Variants in LRCH1 observed in about 807,000 individuals in gnomAD.
LRCH1 encodes the protein leucine-rich repeat and calponin homology domain-containing protein 1.
In LRCH1, 23 loss-of-function variants were observed where a neutral mutation model predicts 94.9. The observed-to-expected ratio is 0.24, with a 90% CI of 0.17 to 0.34. LRCH1 has a LOEUF of 0.34. LRCH1 is among the 10% of genes least tolerant of loss of function. LRCH1 has a pLI of 1.00. For missense variants in LRCH1, 790 were observed against 945.9 expected (o/e 0.84, Z 2.16); for synonymous variants, 364 against 354.9 (o/e 1.03, Z -0.29).
chr13:46,628,885 G>T (rs551151091), intron 1 of LRCH1, among the ~76,000 whole-genome samples: 9 of 152,126 alleles, frequency 5.9e-5, no homozygotes, highest in Non-Finnish European at 1.0e-4. Flanking sequence ...AGTCAAATTC[G>T]CAGTATAGAA....
chr13:46,733,043 C>G (rs1318947222), intron 18 of LRCH1, among the ~76,000 whole-genome samples: 2 of 152,198 alleles, frequency 1.3e-5, no homozygotes, highest in Admixed American at 1.3e-4. Flanking sequence ...CTTTGTGCCT[C>G]TATAAGACGG....
rs77409022 is a variant in LRCH1, at chr13:46,604,368, A to G, written c.308-45833A>G. ...GTGACCGAGGTGGCTGCAGCACAGT[A>G]GCCTTGCTCCCTGGGTCTGGGGCCT... On this transcript the variant is annotated intron_variant, in intron 1 of 19. Coordinates refer to ENST00000389797, the MANE Select transcript of LRCH1 (RefSeq NM_001164211.2). 5.3e-3 allele frequency among the ~76,000 whole-genome samples: 809 copies of G among 152,308 alleles called. 6 individuals carry two copies. Among genetic ancestry groups the G allele is most frequent in the Non-Finnish European group, 9.0e-3 (614 of 68,030 alleles).
chr13:46,569,372 GAACTTGCCC>G (rs1301825999), intron 1 of LRCH1, among the ~76,000 whole-genome samples: 1 of 151,994 alleles, frequency 6.6e-6, no homozygotes, highest in Non-Finnish European at 1.5e-5. Flanking sequence ...TAGATGTTAA[GAACTTGCCC>G]AAGATCCCCA....
rs1330687644 is a variant in LRCH1 at position 46,701,220 on chromosome 13, C to T, written c.1400+13C>T. 1.9e-6 allele frequency: 3 copies of T among 1,589,858 alleles called. No homozygotes were observed. Among genetic ancestry groups the T allele is most frequent in the African/African-American group, 1.3e-5 (1 of 74,366 alleles). On this transcript the variant is annotated intron_variant, in intron 11 of 19. Coordinates refer to ENST00000389797, the MANE Select transcript of LRCH1 (RefSeq NM_001164211.2). ...AAGATCCCAATGGGTGTGTATGTCT[C>T]CTTGGTCCAGGTTTCATGTGTAAAT...
chr13:46,619,172 C>A (rs1344293819), intron 1 of LRCH1, among the ~76,000 whole-genome samples: 1 of 149,950 alleles, frequency 6.7e-6, no homozygotes, highest in Middle Eastern at 3.4e-3. Flanking sequence ...TGCAGTGGCA[C>A]GATCTCAGCT....
chr13:46,644,528 T>A (rs548112296), intron 1 of LRCH1, among the ~76,000 whole-genome samples: 1 of 152,244 alleles, frequency 6.6e-6, no homozygotes, highest in Non-Finnish European at 1.5e-5. Context: ...CTTTTGTTTT[T>A]CTGTTTTGCA....
At chr13:46,707,798 A>G (rs1871844845) in intron 13 of LRCH1, among the ~76,000 whole-genome samples, 1 of 152,204 alleles carries the variant, frequency 6.6e-6, no homozygotes, top group South Asian at 2.1e-4. Context: ...TCATTTCTTC[A>G]ATAAATATTC....
At chr13:46,570,490 T>G (rs534403869) in intron 1 of LRCH1, among the ~76,000 whole-genome samples, 6 of 152,314 alleles carry the variant, frequency 3.9e-5, no homozygotes, top group East Asian at 1.9e-4. Flanking sequence ...AGTGGAGAGA[T>G]AAAAATTAAA....
intron 4 of LRCH1, among the ~76,000 whole-genome samples, chr13:46,683,282 A>C (rs1870435581): frequency 6.6e-6 from 1 of 152,230 alleles, no homozygotes; most frequent in African/African-American, 2.4e-5. Flanking sequence ...TGCAAAAGGT[A>C]ATGTGCTTTA....
chr13:46,717,229 C>A (rs1299360588), intron 16 of LRCH1, among the ~76,000 whole-genome samples: 1 of 152,106 alleles, frequency 6.6e-6, no homozygotes, highest in Non-Finnish European at 1.5e-5. Context: ...ATCATCTCTG[C>A]CGCATCTACA....
chr13:46,674,756 T>C (rs915073072), intron 3 of LRCH1, among the ~76,000 whole-genome samples: 7 of 152,242 alleles, frequency 4.6e-5, no homozygotes, highest in African/African-American at 1.7e-4. Context: ...GTAGGTATCA[T>C]GTTTATATTT....
chr13:46,590,750 T>A (rs2050490106), intron 1 of LRCH1, among the ~76,000 whole-genome samples: 1 of 152,242 alleles, frequency 6.6e-6, no homozygotes, highest in Non-Finnish European at 1.5e-5. Flanking sequence ...AACTGAATTG[T>A]CTATGCTTGG....
Position 46,558,885 on chromosome 13 carries a change from A to G in LRCH1, c.307+5182A>G, listed in dbSNP as rs939888245. Among the ~76,000 whole-genome samples the G allele has an allele frequency of 3.3e-5, 5 of 152,284 alleles. No individual in the cohort carries two copies. In the South Asian group the frequency reaches 1.0e-3, roughly 32 times the overall value. ...GGCTACAGGGCTCTTATGACCCTTTAATTGAGGACTCCGGAAATGGCTGAA... is the reference window on the plus strand; with the variant it reads ...GGCTACAGGGCTCTTATGACCCTTTGATTGAGGACTCCGGAAATGGCTGAA... On this transcript the variant is annotated intron_variant, in intron 1 of 19. Coordinates refer to ENST00000389797, the MANE Select transcript of LRCH1 (RefSeq NM_001164211.2).
At position 46,567,492 on chromosome 13, in the gene LRCH1, T is replaced by TTGTGTGTGTGTGTGTGTGTGTGTGTGTG. The variant is rs35848521; in HGVS notation, c.307+13797_307+13824dup. Among the ~76,000 whole-genome samples, 306 of 141,920 alleles carry TTGTGTGTGTGTGTGTGTGTGTGTGTGTG rather than the reference T, an allele frequency of 2.2e-3. 1 individual carries two copies. The highest frequency in any genetic ancestry group is 7.9e-3 in the African/African-American group (294 of 37,030). 93.1% of individuals were successfully genotyped at this position (141,920 alleles called of 152,430 possible). ...TCTCTGCATGCAATTTAAGGCAATTTTGTGTGTGTGTGTGTGTGTGTGTGT... is the reference window on the plus strand; with the variant it reads ...TCTCTGCATGCAATTTAAGGCAATTTTGTGTGTGTGTGTGTGTGTGTGTGTGTGTGTGTGTGTGTGTGTGTGTGTGTGT... On this transcript the variant is annotated intron_variant, in intron 1 of 19. Transcript: ENST00000389797.
At chr13:46,706,063 A>G (rs900655538) in intron 13 of LRCH1, among the ~76,000 whole-genome samples, 1 of 152,262 alleles carries the variant, frequency 6.6e-6, no homozygotes, top group Non-Finnish European at 1.5e-5. Context: ...GTACTATAGT[A>G]AAGCGGTTTC....
At chr13:46,556,690 C>T (rs1480268883) in intron 1 of LRCH1, among the ~76,000 whole-genome samples, 2 of 152,162 alleles carry the variant, frequency 1.3e-5, no homozygotes, top group Non-Finnish European at 2.9e-5. Flanking sequence ...TATACCTCTA[C>T]TGAGATGGTC....
chr13:46,606,148 A>G (rs979846158), intron 1 of LRCH1, among the ~76,000 whole-genome samples: 25 of 148,730 alleles, frequency 1.7e-4, no homozygotes, highest in African/African-American at 5.7e-4. Flanking sequence ...TTTTAACCTT[A>G]TGTGTGTGTG....
chr13:46,648,336 C>A (rs980001905), intron 1 of LRCH1, among the ~76,000 whole-genome samples: 1 of 152,180 alleles, frequency 6.6e-6, no homozygotes, highest in Non-Finnish European at 1.5e-5. Context: ...CACTTGCCAG[C>A]CTGACACTCA....
chr13:46,591,634 A>G (rs971178300), intron 1 of LRCH1, among the ~76,000 whole-genome samples: 7 of 152,244 alleles, frequency 4.6e-5, no homozygotes, highest in South Asian at 2.1e-4. Flanking sequence ...TAGTAAAACC[A>G]CATTAGATTA....
Sources: gnomAD v4.1 joint callset for allele counts (sites outside exome capture counted in the v4.1 genomes callset) on GRCh38, gnomAD v4.1.1 for gene constraint, MANE v1.5 for transcripts, NCBI Gene and HGNC (gene_info 2026-07-23, HGNC 2026-07-21) for gene names.